The following AK9 variants were observed in gnomAD, a reference collection of about 807,000 sequenced individuals.
AK9 encodes the protein adenylate kinase domain containing 1.
AK9 carries 191 observed loss-of-function variants against 239.6 expected under a neutral mutation model. That is an observed-to-expected ratio of 0.80 (90% confidence interval 0.71 to 0.90). AK9 has a LOEUF of 0.90. AK9 is among the 40% of genes least tolerant of loss of function. The pLI is 0.00. For missense variants in AK9, 1,995 were observed against 2,214.7 expected (o/e 0.90, Z 1.99); for synonymous variants, 689 against 721.0 (o/e 0.96, Z 0.71).
chr6:109,656,083 T>C (rs1159391443), intron 8 of AK9, among the ~76,000 whole-genome samples: 4 of 152,236 alleles, frequency 2.6e-5, no homozygotes, highest in African/African-American at 9.6e-5. Flanking sequence ...TTCACAGTTC[T>C]GTTGCTTAGC....
chr6:109,502,957 A>ATGTGTGTGTGTGTG lies in AK9; in HGVS notation c.4849+3356_4849+3369dup, dbSNP rs58542655. The stretch of plus-strand genomic sequence containing the variant: ...CAGATTTCTGACCCACAGGAACGGT[A>ATGTGTGTGTGTGTG]TGTGTGTGTGTGTGTGTGTGTGTGT... On this transcript the variant is annotated intron_variant, in intron 35 of 40. Coordinates refer to ENST00000424296, the MANE Select transcript of AK9 (RefSeq NM_001145128.3). Among the ~76,000 whole-genome samples the ATGTGTGTGTGTGTG allele has an allele frequency of 1.4e-3, 206 of 145,496 alleles. 2 individuals are homozygous for ATGTGTGTGTGTGTG. Among genetic ancestry groups the ATGTGTGTGTGTGTG allele is most frequent in the African/African-American group, 3.7e-3 (148 of 39,638 alleles).
intron 24 of AK9, 79 bp downstream of exon 24, chr6:109,563,518 A>C: frequency 6.6e-7 from 1 of 1,509,336 alleles, no homozygotes; most frequent in Non-Finnish European, 8.8e-7. Context: ...TTGGGGTCCA[A>C]AAGTGATAGT....
chr6:109,627,133 C>CTT lies in AK9; in HGVS notation c.1254+5788_1254+5789dup, dbSNP rs71018357. 9.0e-3 allele frequency among the ~76,000 whole-genome samples: 605 copies of CTT among 67,310 alleles called. 33 individuals are homozygous for CTT. Among genetic ancestry groups the CTT allele is most frequent in the Middle Eastern group, 0.03 (2 of 66 alleles). 44.2% of individuals were successfully genotyped at this position (67,310 alleles called of 152,430 possible). A position where few individuals can be genotyped will look rare whatever the true frequency, so the allele number is the denominator to read the frequency against. The stretch of plus-strand genomic sequence containing the variant: ...TTTTTTCTATTTTTCGATGTTTAAG[C>CTT]TTTTTTTTTTTTTTTTTTTTTTTTT... On this transcript the variant is annotated intron_variant, in intron 12 of 40. Transcript: ENST00000424296.
intron 27 of AK9, among the ~76,000 whole-genome samples, chr6:109,534,659 T>G (rs533005705): frequency 6.6e-6 from 1 of 152,164 alleles, no homozygotes; most frequent in South Asian, 2.1e-4. Context: ...CGTGCAGGTT[T>G]GTTACATATG....
chr6:109,494,752 C>CT (rs139635014), intron 39 of AK9, among the ~76,000 whole-genome samples: 7,066 of 151,880 alleles, frequency 0.047, 195 homozygotes, highest in South Asian at 0.09. Flanking sequence ...ATTTTGTAGA[C>CT]TTTTTTTAAA....
chr6:109,649,639 C>G lies in AK9; in HGVS notation c.760-4951G>C, dbSNP rs534362351. 1.1e-4 allele frequency among the ~76,000 whole-genome samples: 16 copies of G among 152,272 alleles called. No individual in the cohort carries two copies. In the East Asian group the frequency reaches 2.1e-3, roughly 20 times the overall value. ...GCTCATGGGTAGGAACAATCAATAT[C>G]GTGAAAATGGCCATACTGCCCAAGG... is the stretch of plus-strand genomic sequence containing the variant. On this transcript the variant is annotated intron_variant, in intron 8 of 40. Transcript: ENST00000424296.
rs1316363711 is a variant in AK9 at position 109,537,536 on chromosome 6, T to C, written c.3351-4066A>G. Reference sequence around the variant, plus strand: ...CTTGCTAGCAGTCTATCAATTTTGTTGATCTTTTCAAAAAAAGCAGCTCTT... The same window carrying C: ...CTTGCTAGCAGTCTATCAATTTTGTCGATCTTTTCAAAAAAAGCAGCTCTT... On this transcript the variant is annotated intron_variant, in intron 27 of 40. Coordinates refer to ENST00000424296, the MANE Select transcript of AK9 (RefSeq NM_001145128.3). Among the ~76,000 whole-genome samples, 6 of 138,872 alleles carry C rather than the reference T, an allele frequency of 4.3e-5. 1 individual carries two copies. The highest frequency in any genetic ancestry group is 8.2e-5 in the Non-Finnish European group (5 of 60,780). 91.1% of individuals were successfully genotyped at this position (138,872 alleles called of 152,430 possible). A position where few individuals can be genotyped will look rare whatever the true frequency, so the allele number is the denominator to read the frequency against.
chr6:109,585,781 C>A, intron 18 of AK9, 135 bp downstream of exon 18: 8 of 799,038 alleles, frequency 1.0e-5, no homozygotes, highest in Non-Finnish European at 1.5e-5. Flanking sequence ...ATTTTGTGTA[C>A]CTCTAGTTCC....
At chr6:109,671,120 C>T (rs1276345120) in intron 5 of AK9, among the ~76,000 whole-genome samples, 2 of 152,118 alleles carry the variant, frequency 1.3e-5, no homozygotes, top group Non-Finnish European at 2.9e-5. Context: ...GACAAGGCTG[C>T]GTTTGCTGCT....
At chr6:109,604,293 C>T (rs2128233271) in intron 17 of AK9, among the ~76,000 whole-genome samples, 1 of 152,268 alleles carries the variant, frequency 6.6e-6, no homozygotes, top group South Asian at 2.1e-4. Context: ...TCTTCCATTG[C>T]ATTTGTGTCT....
At chr6:109,679,424 A>T (rs1772287515) in intron 1 of AK9, among the ~76,000 whole-genome samples, 1 of 152,060 alleles carries the variant, frequency 6.6e-6, no homozygotes, top group Non-Finnish European at 1.5e-5. Context: ...TAGGCAGGGT[A>T]TCTCTGAAAA....
rs769389755 is a variant in AK9, at chr6:109,633,115, C to T, written c.1074-12G>A. On this transcript the variant is annotated splice_polypyrimidine_tract_variant and intron_variant, in intron 11 of 40. Coordinates refer to ENST00000424296, the MANE Select transcript of AK9 (RefSeq NM_001145128.3). ...TTTTACCTAGAAAACTTAAAATATG[C>T]CATATTAGTAAACAACTGAAAAGAT... 22 of 1,547,604 alleles carry T rather than the reference C, an allele frequency of 1.4e-5. No homozygotes were observed. In the South Asian group the frequency reaches 2.5e-4, roughly 18 times the overall value.
intron 13 of AK9, among the ~76,000 whole-genome samples, chr6:109,615,887 C>T (rs1794119180): frequency 6.6e-6 from 1 of 151,408 alleles, no homozygotes; most frequent in Non-Finnish European, 1.5e-5. Context: ...CCAGTCACAC[C>T]TAAGAATGTA....
intron 17 of AK9, among the ~76,000 whole-genome samples, chr6:109,607,804 T>TGTGTGTGA (rs1401274154): frequency 5.3e-5 from 8 of 151,224 alleles, no homozygotes; most frequent in Non-Finnish European, 1.0e-4. Context: ...TGTGTGTGTG[T>TGTGTGTGA]GAAAATTGAG....
chr6:109,540,206 G>A (rs762225612), intron 27 of AK9, among the ~76,000 whole-genome samples: 4 of 152,216 alleles, frequency 2.6e-5, no homozygotes, highest in Non-Finnish European at 5.9e-5. Flanking sequence ...CAGAGGTGGA[G>A]TCTACAGATG....
chr6:109,559,470 T>C (rs1785464948), intron 24 of AK9, among the ~76,000 whole-genome samples: 1 of 152,204 alleles, frequency 6.6e-6, no homozygotes, highest in African/African-American at 2.4e-5. Flanking sequence ...CCCGGCCTGG[T>C]ATATCTATCT....
chr6:109,618,960 C>T, intron 13 of AK9, 132 bp downstream of exon 13: 1 of 997,754 alleles, frequency 1.0e-6, no homozygotes. Context: ...CATTCTTCAA[C>T]CATTTGTTAA....
chr6:109,507,606 GC>G (rs1778243643), intron 33 of AK9, among the ~76,000 whole-genome samples: 1 of 152,134 alleles, frequency 6.6e-6, no homozygotes, highest in Non-Finnish European at 1.5e-5. Context: ...AGGAGGAGTG[GC>G]CCCCAAGCTC....
At chr6:109,578,209 C>T (rs1274353916) in intron 20 of AK9, among the ~76,000 whole-genome samples, 3 of 152,002 alleles carry the variant, frequency 2.0e-5, no homozygotes, top group Admixed American at 2.0e-4. Flanking sequence ...TGCGGGATTA[C>T]AGGCATGAGC....
Sources: gnomAD v4.1 joint callset for allele counts (sites outside exome capture counted in the v4.1 genomes callset) on GRCh38, gnomAD v4.1.1 for gene constraint, MANE v1.5 for transcripts, NCBI Gene and HGNC (gene_info 2026-07-23, HGNC 2026-07-21) for gene names.